The following CUL3 variants were observed in gnomAD, a reference collection of about 807,000 sequenced individuals.
CUL3 encodes cullin 3.
Under a neutral mutation model 89.1 loss-of-function variants are expected in CUL3, and 19 were observed. The ratio of observed to expected loss-of-function variants is 0.21; its 90% confidence interval spans 0.15 to 0.31. The LOEUF is 0.31. Among genes scored for constraint, CUL3 ranks in the 10% least tolerant of loss-of-function variants. The pLI is 1.00. For synonymous variants in CUL3, 351 were observed against 308.4 expected (o/e 1.14, Z -1.45); for missense variants, 469 against 942.3 (o/e 0.50, Z 6.58).
rs143788642 is a variant in CUL3 at position 224,524,203 on chromosome 2, C to T, written c.379-9431G>A. ...CAAACATACTGAGAGGAGCCCCATA[C>T]CAGCCTTCACTGGTTCCCTTCAGTC... On this transcript the variant is annotated intron_variant, in intron 3 of 15. Coordinates refer to ENST00000264414, the MANE Select transcript of CUL3 (RefSeq NM_003590.5). Among the ~76,000 whole-genome samples, 380 of 152,210 alleles carry T rather than the reference C, an allele frequency of 2.5e-3. 3 individuals carry two copies. The highest frequency in any genetic ancestry group is 8.1e-3 in the African/African-American group (336 of 41,536).
intron 2 of CUL3, among the ~76,000 whole-genome samples, chr2:224,546,338 A>G (rs1481228701): frequency 6.6e-6 from 1 of 152,150 alleles, no homozygotes; most frequent in African/African-American, 2.4e-5. Flanking sequence ...TTCTAAGCCG[A>G]CAGACAGACT....
intron 15 of CUL3, 40 bp from the exon 16 acceptor site, chr2:224,474,416 A>G: frequency 6.4e-7 from 1 of 1,564,486 alleles, no homozygotes; most frequent in East Asian, 2.3e-5. Flanking sequence ...ATAAACACAT[A>G]AAAATTCGTA....
intron 1 of CUL3, among the ~76,000 whole-genome samples, chr2:224,581,036 C>A (rs1008452850): frequency 6.6e-5 from 10 of 152,142 alleles, no homozygotes; most frequent in African/African-American, 2.4e-4. Context: ...GTTAATAATA[C>A]TATATTACAT....
chr2:224,569,344 C>G (rs1695125107), intron 1 of CUL3, among the ~76,000 whole-genome samples: 1 of 152,106 alleles, frequency 6.6e-6, no homozygotes. Context: ...GGCCAAGTTA[C>G]AAAATGATCA....
chr2:224,563,951 GA>G (rs1173027392), intron 1 of CUL3, among the ~76,000 whole-genome samples: 4 of 150,420 alleles, frequency 2.7e-5, no homozygotes, highest in Admixed American at 1.3e-4. Flanking sequence ...ACTTAATAAG[GA>G]AAAAAAAAGG....
Position 224,494,425 on chromosome 2 carries a change from T to C in CUL3, c.1842+1407A>G, listed in dbSNP as rs59835809. 4.6e-3 allele frequency among the ~76,000 whole-genome samples: 701 copies of C among 152,068 alleles called. 1 individual carries two copies. Among genetic ancestry groups the C allele is most frequent in the African/African-American group, 0.016 (662 of 41,470 alleles). On this transcript the variant is annotated intron_variant, in intron 13 of 15. Coordinates refer to ENST00000264414, the MANE Select transcript of CUL3 (RefSeq NM_003590.5). ...TTAATGTAATCAAATCATATTTTAATTGGGAGAAAAGGAAAAGGAAAAAAA... is the reference window on the plus strand; with the variant it reads ...TTAATGTAATCAAATCATATTTTAACTGGGAGAAAAGGAAAAGGAAAAAAA...
intron 1 of CUL3, among the ~76,000 whole-genome samples, chr2:224,573,144 G>A (rs1362612238): frequency 6.6e-6 from 1 of 152,102 alleles, no homozygotes; most frequent in East Asian, 1.9e-4. Flanking sequence ...TTTAATCTTT[G>A]TATTTCTAAT....
intron 2 of CUL3, among the ~76,000 whole-genome samples, chr2:224,540,059 CT>C (rs34875800): frequency 0.53 from 73,713 of 139,810 alleles, 19,880 homozygotes; most frequent in East Asian, 0.78. Context: ...CATCCTCCAC[CT>C]TTTTTTTTTT....
At chr2:224,508,261 T>C (rs1692680060) in intron 6 of CUL3, among the ~76,000 whole-genome samples, 1 of 152,224 alleles carries the variant, frequency 6.6e-6, no homozygotes, top group African/African-American at 2.4e-5. Context: ...TACTAAACTT[T>C]ATTTCAGTGA....
chr2:224,502,940 A>G (rs779314784), intron 10 of CUL3, 25 bp downstream of exon 10: 2 of 1,500,796 alleles, frequency 1.3e-6, no homozygotes, highest in East Asian at 4.5e-5. Context: ...TGAATATCTA[A>G]GTAGAAATTA....
intron 1 of CUL3, among the ~76,000 whole-genome samples, chr2:224,563,589 T>C (rs1038952988): frequency 1.3e-5 from 2 of 152,196 alleles, no homozygotes; most frequent in African/African-American, 2.4e-5. Context: ...AACCAACCAC[T>C]GCCTGAAAAT....
intron 1 of CUL3, among the ~76,000 whole-genome samples, chr2:224,577,211 C>T (rs538782006): frequency 6.6e-6 from 1 of 152,298 alleles, no homozygotes; most frequent in Admixed American, 6.5e-5. Flanking sequence ...TAAGGTGGGT[C>T]TCATTAGCAG....
chr2:224,487,571 T>C (rs1359902721), intron 13 of CUL3, among the ~76,000 whole-genome samples: 1 of 151,606 alleles, frequency 6.6e-6, no homozygotes. Context: ...TAAATATATA[T>C]GCACCCAACA....
intron 1 of CUL3, among the ~76,000 whole-genome samples, chr2:224,576,673 A>T (rs1695305524): frequency 1.1e-5 from 1 of 92,368 alleles, no homozygotes; most frequent in Non-Finnish European, 2.1e-5. Context: ...AACCTAGTTC[A>T]GGAGTGAAAA....
intron 5 of CUL3, among the ~76,000 whole-genome samples, chr2:224,511,827 T>G (rs551832731): frequency 6.6e-6 from 1 of 152,176 alleles, no homozygotes; most frequent in East Asian, 1.9e-4. Context: ...ACTGTGCCAA[T>G]GTACTCCAAA....
intron 13 of CUL3, among the ~76,000 whole-genome samples, chr2:224,494,778 G>A (rs570574139): frequency 4.6e-4 from 70 of 152,140 alleles, no homozygotes; most frequent in African/African-American, 1.6e-3. Flanking sequence ...ACATGTAAAA[G>A]CTAAAATTAC....
intron 13 of CUL3, among the ~76,000 whole-genome samples, chr2:224,483,465 CTT>C (rs775078767): frequency 1.3e-4 from 20 of 152,092 alleles, no homozygotes; most frequent in Admixed American, 8.5e-4. Context: ...TACTAGACAT[CTT>C]TCTATTAGAG....
At chr2:224,554,453 A>G (rs1694630015) in intron 2 of CUL3, among the ~76,000 whole-genome samples, 2 of 152,208 alleles carry the variant, frequency 1.3e-5, no homozygotes. Flanking sequence ...GAATTTCAGC[A>G]TACTACAACT....
intron 11 of CUL3, among the ~76,000 whole-genome samples, chr2:224,498,326 CTTTGTT>C (rs1559347175): frequency 6.6e-6 from 1 of 152,052 alleles, no homozygotes; most frequent in East Asian, 1.9e-4. Flanking sequence ...TAAACTCTCC[CTTTGTT>C]TTTGTTGTTC....
Sources: gnomAD v4.1 joint callset for allele counts (sites outside exome capture counted in the v4.1 genomes callset) on GRCh38, gnomAD v4.1.1 for gene constraint, MANE v1.5 for transcripts, NCBI Gene and HGNC (gene_info 2026-07-23, HGNC 2026-07-21) for gene names.